Variants in GPC5 observed in about 807,000 individuals in gnomAD.
GPC5 encodes glypican-5.
In GPC5, 47 loss-of-function variants were observed where a neutral mutation model predicts 53.9. That is an observed-to-expected ratio of 0.87 (90% CI 0.69 to 1.11). GPC5 has a LOEUF of 1.11. Ranked by LOEUF, GPC5 falls within the 50% of genes most tolerant of loss-of-function variation. GPC5 has a pLI of 0.00. For missense variants in GPC5, 748 were observed against 713.1 expected, an observed-to-expected ratio of 1.05 and a Z score of -0.56; for synonymous variants, 286 against 263.3, an observed-to-expected ratio of 1.09 and a Z score of -0.84.
intron 7 of GPC5, among the ~76,000 whole-genome samples, chr13:92,780,424 C>A (rs7991956): frequency 1.0e-4 from 15 of 148,936 alleles, no homozygotes; most frequent in Admixed American, 3.4e-4. Context: ...ATTTATATTT[C>A]ACTTAATATA....
chr13:91,518,578 A>T (rs748762667), intron 2 of GPC5, among the ~76,000 whole-genome samples: 1 of 152,010 alleles, frequency 6.6e-6, no homozygotes, highest in Non-Finnish European at 1.5e-5. Flanking sequence ...TTTGAGATGG[A>T]GTCTCGCTCT....
chr13:92,826,029 T>C (rs932108748), intron 7 of GPC5, among the ~76,000 whole-genome samples: 1 of 152,132 alleles, frequency 6.6e-6, no homozygotes, highest in African/African-American at 2.4e-5. Flanking sequence ...CTCCAGTGAA[T>C]ATTTTCATGC....
intron 5 of GPC5, among the ~76,000 whole-genome samples, chr13:91,887,494 G>A (rs1401182426): frequency 6.6e-6 from 1 of 152,196 alleles, no homozygotes; most frequent in Non-Finnish European, 1.5e-5. Context: ...AATTTCTGCA[G>A]CTGGCTTTAA....
chr13:91,707,316 G>T (rs1318890818), intron 3 of GPC5, among the ~76,000 whole-genome samples: 10 of 152,116 alleles, frequency 6.6e-5, no homozygotes, highest in Admixed American at 6.6e-4. Flanking sequence ...CACTGAGTAG[G>T]TTGGCTATAT....
At chr13:92,709,791 G>A (rs1230006020) in intron 7 of GPC5, among the ~76,000 whole-genome samples, 2 of 152,264 alleles carry the variant, frequency 1.3e-5, no homozygotes, top group African/African-American at 2.4e-5. Flanking sequence ...TCTTTCTAAA[G>A]GAAGTTATCC....
At chr13:92,414,644 G>T (rs544036683) in intron 7 of GPC5, among the ~76,000 whole-genome samples, 1 of 152,286 alleles carries the variant, frequency 6.6e-6, no homozygotes, top group South Asian at 2.1e-4. Flanking sequence ...ATGAGTATGG[G>T]TGTCTGAGTT....
At chr13:92,215,385 A>G (rs2042402637) in intron 7 of GPC5, among the ~76,000 whole-genome samples, 1 of 152,242 alleles carries the variant, frequency 6.6e-6, no homozygotes, top group Non-Finnish European at 1.5e-5. Flanking sequence ...TTGCTGGAAC[A>G]ATTCAATGGA....
intron 7 of GPC5, among the ~76,000 whole-genome samples, chr13:92,453,521 A>G (rs1263915716): frequency 6.6e-6 from 1 of 152,228 alleles, no homozygotes; most frequent in Non-Finnish European, 1.5e-5. Flanking sequence ...AACAGAGAGA[A>G]AGTGAAACCA....
chr13:91,435,986 T>C (rs1311192502), intron 1 of GPC5, among the ~76,000 whole-genome samples: 1 of 152,078 alleles, frequency 6.6e-6, no homozygotes. Flanking sequence ...GAGGTGTTTA[T>C]AGTATTCTCT....
rs1566515688 is a variant in GPC5 at position 91,571,846 on chromosome 13, T to TGTGTATACACACAC, written c.326-121341_326-121340insGTGTATACACACAC. ...GTATATATACACATATACTTGTGTG[T>TGTGTATACACACAC]ATATACACATATACGTGTGTGTATA... On this transcript the variant is annotated intron_variant, in intron 2 of 7. Transcript: ENST00000377067. Among the ~76,000 whole-genome samples the TGTGTATACACACAC allele has an allele frequency of 8.1e-5, 8 of 98,972 alleles. 2 individuals are homozygous for TGTGTATACACACAC. Among genetic ancestry groups the TGTGTATACACACAC allele is most frequent in the African/African-American group, 5.4e-4 (8 of 14,912 alleles). The allele number at this position is 98,972 out of a possible 152,430, so 64.9% of individuals were successfully genotyped here. A position where few individuals can be genotyped will look rare whatever the true frequency, so the allele number is the denominator to read the frequency against.
intron 5 of GPC5, among the ~76,000 whole-genome samples, chr13:91,784,726 G>GA (rs10644468): frequency 0.48 from 69,359 of 143,492 alleles, 17,793 homozygotes; most frequent in East Asian, 0.74. Context: ...CTCCATCTCA[G>GA]AAAAAAAAAA....
At chr13:91,491,950 A>G (rs140298451) in intron 2 of GPC5, among the ~76,000 whole-genome samples, 253 of 152,302 alleles carry the variant, frequency 1.7e-3, no homozygotes, top group African/African-American at 5.7e-3. Flanking sequence ...TCAGCTCACT[A>G]CACACACAAA....
At chr13:91,660,683 G>A (rs1485652284) in intron 2 of GPC5, among the ~76,000 whole-genome samples, 4 of 152,192 alleles carry the variant, frequency 2.6e-5, no homozygotes, top group African/African-American at 9.7e-5. Flanking sequence ...AGATCACCAG[G>A]AAATTTAGCT....
intron 5 of GPC5, among the ~76,000 whole-genome samples, chr13:91,819,633 A>G (rs2038459181): frequency 6.6e-6 from 1 of 152,196 alleles, no homozygotes; most frequent in Non-Finnish European, 1.5e-5. Flanking sequence ...GAATATAACA[A>G]TTTATTGAGC....
chr13:92,627,902 G>C (rs1302973852), intron 7 of GPC5, among the ~76,000 whole-genome samples: 1 of 152,164 alleles, frequency 6.6e-6, no homozygotes, highest in Non-Finnish European at 1.5e-5. Context: ...ATGAATTGTA[G>C]CCAATGGCAT....
chr13:92,708,581 C>A (rs1888026613), intron 7 of GPC5, among the ~76,000 whole-genome samples: 3 of 151,992 alleles, frequency 2.0e-5, no homozygotes, highest in African/African-American at 7.2e-5. Flanking sequence ...AAATACAGCT[C>A]TAATTTATCA....
At chr13:91,698,926 C>T (rs1282942012) in intron 3 of GPC5, among the ~76,000 whole-genome samples, 1 of 152,134 alleles carries the variant, frequency 6.6e-6, no homozygotes, top group African/African-American at 2.4e-5. Flanking sequence ...GACACGCAGA[C>T]ACACAGGCAC....
chr13:92,651,989 C>T (rs1252210554), intron 7 of GPC5, among the ~76,000 whole-genome samples: 1 of 151,856 alleles, frequency 6.6e-6, no homozygotes, highest in Non-Finnish European at 1.5e-5. Context: ...TTTTGTGACC[C>T]ACTTTATGCA....
intron 7 of GPC5, among the ~76,000 whole-genome samples, chr13:92,282,763 A>T (rs2042925708): frequency 6.6e-6 from 1 of 152,320 alleles, no homozygotes. Context: ...GGAAAGGAAC[A>T]AAAGATACCG....
Sources: allele counts gnomAD v4.1 joint callset (sites outside exome capture counted in the v4.1 genomes callset), GRCh38; gene constraint gnomAD v4.1.1; transcripts MANE v1.5; gene names NCBI Gene and HGNC (gene_info 2026-07-23, HGNC 2026-07-21).